The following CROT variants were observed in gnomAD, a reference collection of about 807,000 sequenced individuals.
CROT encodes carnitine O-octanoyltransferase.
In CROT, 84 loss-of-function variants were observed where a neutral mutation model predicts 89.2. The ratio of observed to expected loss-of-function variants is 0.94; its 90% confidence interval spans 0.79 to 1.13. CROT has a LOEUF of 1.13. Among genes scored for constraint, CROT ranks in the 50% most tolerant of loss-of-function variants. CROT has a pLI of 0.00. For missense variants in CROT, 711 were observed against 727.8 expected (o/e 0.98, Z 0.27); for synonymous variants, 212 against 239.5 (o/e 0.89, Z 1.06).
chr7:87,363,245 T>C (rs1353823922), intron 6 of CROT, among the ~76,000 whole-genome samples: 1 of 152,186 alleles, frequency 6.6e-6, no homozygotes, highest in Admixed American at 6.5e-5. Flanking sequence ...ATAGTTATTA[T>C]ATTTTGGGGC....
At chr7:87,363,236 T>C (rs1377280888) in intron 6 of CROT, among the ~76,000 whole-genome samples, 1 of 152,166 alleles carries the variant, frequency 6.6e-6, no homozygotes, top group Non-Finnish European at 1.5e-5. Context: ...GAAGCTGACA[T>C]AGTTATTATA....
Position 87,391,593 on chromosome 7 carries a change from G to C in CROT, c.1306G>C (p.Gly436Arg), listed in dbSNP as rs766922096. 6 of 1,592,288 alleles carry C rather than the reference G, an allele frequency of 3.8e-6. No individual in the cohort carries two copies. Among genetic ancestry groups the C allele is most frequent in the Non-Finnish European group, 5.1e-6 (6 of 1,173,802 alleles). The change falls in exon 14 of 18, where the codon GGT becomes CGT. Residue 436 changes from glycine to arginine, a missense_variant. Coordinates refer to ENST00000331536, the MANE Select transcript of CROT (RefSeq NM_021151.4). Reference sequence around the variant, plus strand: ...TCTTTTAATTTTTTCTTGTAGCCCTGGTTGTTGCTATGAAACAGCTATGAC... The same window carrying C: ...TCTTTTAATTTTTTCTTGTAGCCCTCGTTGTTGCTATGAAACAGCTATGAC... ...LAYYRLHGHPGCCYETAMTRH... is the reference protein window; with the variant it reads ...LAYYRLHGHPRCCYETAMTRH...
intron 4 of CROT, among the ~76,000 whole-genome samples, chr7:87,360,487 C>G (rs1016306386): frequency 4.6e-5 from 7 of 152,028 alleles, no homozygotes; most frequent in Admixed American, 1.3e-4. Context: ...ATTGCAGGTG[C>G]GCACCACCAC....
intron 6 of CROT, 25 bp downstream of exon 6, chr7:87,361,877 T>G (rs767888553): frequency 6.4e-7 from 1 of 1,555,224 alleles, no homozygotes; most frequent in Non-Finnish European, 8.7e-7. Flanking sequence ...AGATATCGTT[T>G]TTAGTAAAGG....
intron 7 of CROT, 33 bp downstream of exon 7, chr7:87,369,517 T>A (rs1806559056): frequency 1.4e-6 from 2 of 1,421,622 alleles, no homozygotes; most frequent in Admixed American, 1.8e-5. Flanking sequence ...TTTCATTAGG[T>A]CTTATGGTGT....
In CROT at chr7:87,391,661, C is replaced by A. The variant is rs761655754; in HGVS notation, c.1374C>A (p.Cys458Ter). 1 of 1,611,950 alleles carries A rather than the reference C, an allele frequency of 6.2e-7. No homozygotes were observed. Among genetic ancestry groups the A allele is most frequent in the South Asian group, 1.1e-5 (1 of 90,652 alleles). Reference sequence around the variant, plus strand: ...GCCGTACAGAGACTATGCGATCATGCACAGTTGAAGCAGTGAGGTGGTGCC... The same window carrying A: ...GCCGTACAGAGACTATGCGATCATGAACAGTTGAAGCAGTGAGGTGGTGCC... ...YHGRTETMRSCTVEAVRWCQS... is the reference protein window; with the variant it reads ...YHGRTETMRS The change falls in exon 14 of 18, where the codon TGC becomes TGA. Residue 458 changes from cysteine to a stop codon, truncating the protein, a stop_gained. Transcript: ENST00000331536. LOFTEE classifies it high-confidence loss of function.
intron 3 of CROT, among the ~76,000 whole-genome samples, chr7:87,349,543 A>G (rs1805805407): frequency 6.6e-6 from 1 of 152,086 alleles, no homozygotes; most frequent in South Asian, 2.1e-4. Context: ...ATTTTAGTGC[A>G]TGAATACATC....
Position 87,359,323 on chromosome 7 carries a change from G to C in CROT, c.233G>C (p.Arg78Thr), listed in dbSNP as rs957533383. The change falls in exon 4 of 18, where the codon AGA (arginine) becomes ACA (threonine). Residue 78 changes from arginine to threonine, a missense_variant. Arg to Thr is a moderately conservative substitution (Grantham distance 71, BLOSUM62 -1). Transcript: ENST00000331536. Reference sequence around the variant, plus strand: ...TTGCTTGAAAGAGCAAAAGGAAAAAGAAATTGGGTATTTGTTGTTATAATT... The same window carrying C: ...TTGCTTGAAAGAGCAAAAGGAAAAACAAATTGGGTATTTGTTGTTATAATT... ...QKLLERAKGK[R>T]NWLEEWWLNV... 2 of 1,597,236 alleles carry C rather than the reference G, an allele frequency of 1.3e-6. No homozygotes were observed. The highest frequency in any genetic ancestry group is 1.3e-5 in the African/African-American group (1 of 74,448).
At chr7:87,351,934 C>A (rs1054512736) in intron 3 of CROT, among the ~76,000 whole-genome samples, 1 of 152,180 alleles carries the variant, frequency 6.6e-6, no homozygotes, top group East Asian at 1.9e-4. Flanking sequence ...TGACTGTTTA[C>A]CCTGCAATAG....
At chr7:87,397,572 G>A (rs936631474) in intron 17 of CROT, among the ~76,000 whole-genome samples, 1 of 152,170 alleles carries the variant, frequency 6.6e-6, no homozygotes, top group African/African-American at 2.4e-5. Context: ...AACATGTTTA[G>A]ATGCTGCTAA....
intron 10 of CROT, among the ~76,000 whole-genome samples, chr7:87,379,157 C>G (rs1388898567): frequency 2.0e-5 from 3 of 152,184 alleles, no homozygotes; most frequent in African/African-American, 7.2e-5. Flanking sequence ...CCCTTCATTT[C>G]CCTTTGACCT....
intron 14 of CROT, 128 bp downstream of exon 14, chr7:87,391,840 C>A: frequency 1.1e-6 from 1 of 949,606 alleles, no homozygotes; most frequent in Non-Finnish European, 1.5e-6. Flanking sequence ...GACATCTTTT[C>A]TGAGGTTTTT....
chr7:87,395,272 T>G (rs1294343712), intron 17 of CROT, among the ~76,000 whole-genome samples: 3 of 150,360 alleles, frequency 2.0e-5, no homozygotes, highest in Non-Finnish European at 4.5e-5. Context: ...CTTTTCAGGT[T>G]TTTCTGCCTG....
intron 17 of CROT, among the ~76,000 whole-genome samples, chr7:87,395,793 G>T (rs1284248350): frequency 6.6e-6 from 1 of 152,012 alleles, no homozygotes; most frequent in Non-Finnish European, 1.5e-5. Context: ...TGGTCTACTT[G>T]CCCCCAGACA....
At position 87,349,055 on chromosome 7, in the gene CROT, A is replaced by G. The variant is rs778596623; in HGVS notation, c.-14A>G. ...TCTCTCTCTTTTCTTTAGGTTTCCTATTGTGATTTTATCATGGAAAATCAA... is the reference window on the plus strand; with the variant it reads ...TCTCTCTCTTTTCTTTAGGTTTCCTGTTGTGATTTTATCATGGAAAATCAA... On this transcript the variant is annotated 5_prime_UTR_variant, in exon 3 of 18. Coordinates refer to ENST00000331536, the MANE Select transcript of CROT (RefSeq NM_021151.4). 3.2e-5 allele frequency: 46 copies of G among 1,439,036 alleles called. No homozygotes were observed. Among genetic ancestry groups the G allele is most frequent in the Non-Finnish European group, 4.4e-5 (45 of 1,031,760 alleles). The allele number at this position is 1,439,036 out of a possible 1,614,324, so 89.1% of individuals were successfully genotyped here.
At chr7:87,372,371 A>C (rs1562933369) in intron 7 of CROT, among the ~76,000 whole-genome samples, 2 of 152,146 alleles carry the variant, frequency 1.3e-5, no homozygotes, top group African/African-American at 4.8e-5. Context: ...ATCTTGGATA[A>C]TATTTGTGTG....
chr7:87,347,862 C>T (rs1353114302), intron 2 of CROT, among the ~76,000 whole-genome samples: 1 of 152,080 alleles, frequency 6.6e-6, no homozygotes, highest in Non-Finnish European at 1.5e-5. Context: ...ACATGCATTC[C>T]TTTTTGGGAG....
At chr7:87,386,252 T>C (rs1006716034) in intron 13 of CROT, among the ~76,000 whole-genome samples, 2 of 152,200 alleles carry the variant, frequency 1.3e-5, no homozygotes, top group South Asian at 2.1e-4. Context: ...ATTAGTTCTT[T>C]TTTTAAAGGT....
intron 10 of CROT, among the ~76,000 whole-genome samples, chr7:87,379,209 C>G (rs1806912752): frequency 6.6e-6 from 1 of 152,190 alleles, no homozygotes; most frequent in African/African-American, 2.4e-5. Context: ...TATTTTGACA[C>G]TGCCTCTTTC....
Sources: gnomAD v4.1 joint callset for allele counts (sites outside exome capture counted in the v4.1 genomes callset) on GRCh38, gnomAD v4.1.1 for gene constraint, MANE v1.5 for transcripts, NCBI Gene and HGNC (gene_info 2026-07-23, HGNC 2026-07-21) for gene names.